SLC24A3: variants seen among roughly 807,000 people sequenced by gnomAD.
SLC24A3 encodes the protein solute carrier family 24 member 3.
SLC24A3 carries 28 observed loss-of-function variants against 75.8 expected under a neutral mutation model. The ratio of observed to expected loss-of-function variants is 0.37; its 90% CI spans 0.27 to 0.51. The LOEUF is 0.51. Among genes scored for constraint, SLC24A3 ranks in the 20% least tolerant of loss-of-function variants. SLC24A3 has a pLI of 0.94. For missense variants in SLC24A3, 663 were observed against 847.8 expected (o/e 0.78, Z 2.71); for synonymous variants, 372 against 334.1 (o/e 1.11, Z -1.24).
chr20:19,269,223 G>A (rs1252489868), intron 1 of SLC24A3, among the ~76,000 whole-genome samples: 1 of 152,240 alleles, frequency 6.6e-6, no homozygotes, highest in Non-Finnish European at 1.5e-5. Context: ...GCAAATATGG[G>A]ACATTCCCAT....
chr20:19,289,106 G>T (rs888969663), intron 2 of SLC24A3, among the ~76,000 whole-genome samples: 1 of 152,014 alleles, frequency 6.6e-6, no homozygotes, highest in African/African-American at 2.4e-5. Context: ...CTTCCCCCAG[G>T]TGGTGCCTGT....
intron 2 of SLC24A3, among the ~76,000 whole-genome samples, chr20:19,325,540 G>A (rs1239796870): frequency 6.6e-6 from 1 of 151,478 alleles, no homozygotes; most frequent in Non-Finnish European, 1.5e-5. Flanking sequence ...AGAAGCGATG[G>A]TGGTTTCTTC....
intron 2 of SLC24A3, among the ~76,000 whole-genome samples, chr20:19,306,871 AAAAC>A (rs58438454): frequency 0.16 from 23,947 of 151,836 alleles, 4,594 homozygotes; most frequent in African/African-American, 0.44. Context: ...TTAAAAAACA[AAAAC>A]AAACAAACAA....
chr20:19,638,862 G>T (rs1376077526), intron 6 of SLC24A3, among the ~76,000 whole-genome samples: 2 of 152,134 alleles, frequency 1.3e-5, no homozygotes, highest in African/African-American at 2.4e-5. Context: ...TGGGCTCGTG[G>T]GCTTGCTGGT....
chr20:19,463,078 G>A (rs1987704783), intron 2 of SLC24A3, among the ~76,000 whole-genome samples: 1 of 152,118 alleles, frequency 6.6e-6, no homozygotes, highest in African/African-American at 2.4e-5. Flanking sequence ...TCTTTGTTCA[G>A]TTAGCAACAT....
At chr20:19,221,055 G>A (rs1421283783) in intron 1 of SLC24A3, among the ~76,000 whole-genome samples, 1 of 152,122 alleles carries the variant, frequency 6.6e-6, no homozygotes. Flanking sequence ...CTCTCCAGTT[G>A]CCTAGATTTC....
intron 5 of SLC24A3, 61 bp from the exon 6 acceptor site, chr20:19,585,380 T>C (rs2031280210): frequency 6.6e-7 from 1 of 1,507,158 alleles, no homozygotes; most frequent in South Asian, 1.2e-5. Flanking sequence ...AGGTTCCCCA[T>C]GCCCACCTTG....
At chr20:19,414,094 G>A (rs1172166190) in intron 2 of SLC24A3, among the ~76,000 whole-genome samples, 2 of 152,140 alleles carry the variant, frequency 1.3e-5, no homozygotes, top group Non-Finnish European at 2.9e-5. Context: ...TGAACAAAAT[G>A]CAAATTGAAA....
chr20:19,611,545 C>T (rs954238325), intron 6 of SLC24A3, among the ~76,000 whole-genome samples: 1 of 152,194 alleles, frequency 6.6e-6, no homozygotes, highest in Admixed American at 6.5e-5. Flanking sequence ...GAGCCTTTGG[C>T]CAAGTCCAGA....
chr20:19,652,544 A>G (rs1013509110), intron 6 of SLC24A3, among the ~76,000 whole-genome samples: 1 of 152,230 alleles, frequency 6.6e-6, no homozygotes, highest in Admixed American at 6.5e-5. Context: ...TCTGATGTGA[A>G]TTCTCTTCTT....
chr20:19,339,905 G>C (rs1252491527), intron 2 of SLC24A3, among the ~76,000 whole-genome samples: 2 of 152,232 alleles, frequency 1.3e-5, no homozygotes, highest in African/African-American at 4.8e-5. Flanking sequence ...ATCTGCAAAA[G>C]AATTCCTTCT....
intron 2 of SLC24A3, among the ~76,000 whole-genome samples, chr20:19,480,710 C>CT (rs550231282): frequency 2.9e-4 from 43 of 150,474 alleles, no homozygotes; most frequent in Middle Eastern, 6.9e-3. Context: ...GTGTGCTGAT[C>CT]TTGCAGAAAG....
chr20:19,661,170 C>T (rs1956415355), intron 7 of SLC24A3, among the ~76,000 whole-genome samples: 1 of 152,152 alleles, frequency 6.6e-6, no homozygotes, highest in Non-Finnish European at 1.5e-5. Context: ...CCCCCATCTC[C>T]TATATCCTCA....
At chr20:19,531,386 T>C (rs975965279) in intron 3 of SLC24A3, among the ~76,000 whole-genome samples, 4 of 152,236 alleles carry the variant, frequency 2.6e-5, no homozygotes, top group African/African-American at 9.6e-5. Context: ...TGTGGAAATA[T>C]GTCAAGTACA....
At chr20:19,678,741 T>C (rs1431609281) in intron 9 of SLC24A3, among the ~76,000 whole-genome samples, 5 of 127,080 alleles carry the variant, frequency 3.9e-5, no homozygotes, top group African/African-American at 6.3e-5. Context: ...TCCTCATTTC[T>C]CAGACGGGGC....
chr20:19,597,109 A>G (rs2031461859), intron 6 of SLC24A3, among the ~76,000 whole-genome samples: 1 of 152,238 alleles, frequency 6.6e-6, no homozygotes, highest in African/African-American at 2.4e-5. Context: ...TTTGCTAGGC[A>G]CTGTGGCTCA....
chr20:19,706,258 G>T (rs556930725), intron 15 of SLC24A3, among the ~76,000 whole-genome samples: 1 of 152,332 alleles, frequency 6.6e-6, no homozygotes, highest in African/African-American at 2.4e-5. Flanking sequence ...GGTAACCACT[G>T]GAGATGGTGC....
chr20:19,513,978 T>A (rs2029934760), intron 2 of SLC24A3, among the ~76,000 whole-genome samples: 1 of 152,216 alleles, frequency 6.6e-6, no homozygotes. Flanking sequence ...TGTAGTATTT[T>A]TAACTGTCCC....
At chr20:19,532,693 C>T (rs1410303281) in intron 3 of SLC24A3, among the ~76,000 whole-genome samples, 1 of 152,238 alleles carries the variant, frequency 6.6e-6, no homozygotes, top group Admixed American at 6.5e-5. Flanking sequence ...GGAGCACTTG[C>T]ACCAGACACT....
Sources: gnomAD v4.1 joint callset for allele counts (sites outside exome capture counted in the v4.1 genomes callset) on GRCh38, gnomAD v4.1.1 for gene constraint, MANE v1.5 for transcripts, NCBI Gene and HGNC (gene_info 2026-07-23, HGNC 2026-07-21) for gene names.